EPHB1: variants seen among roughly 807,000 people sequenced by gnomAD.
EPHB1 encodes EPH receptor B1, also known as ephrin type-B receptor 1.
In EPHB1, 30 loss-of-function variants were observed where a neutral mutation model predicts 94.4. The observed-to-expected ratio is 0.32, with a 90% CI of 0.24 to 0.43. The LOEUF (loss-of-function observed/expected upper bound fraction) is 0.43. Ranked by LOEUF, EPHB1 falls within the 20% of genes least tolerant of loss-of-function variation. The probability of loss-of-function intolerance (pLI) is 1.00; values close to 1 mark genes in which losing one functional copy is unlikely to be tolerated. For missense variants in EPHB1, 1,055 were observed against 1,308.3 expected, an observed-to-expected ratio of 0.81 and a Z score of 2.99; for synonymous variants, 522 against 489.1, an observed-to-expected ratio of 1.07 and a Z score of -0.89.
intron 4 of EPHB1, among the ~76,000 whole-genome samples, chr3:135,129,207 T>A (rs1441888062): frequency 1.4e-5 from 1 of 69,174 alleles, no homozygotes; most frequent in Non-Finnish European, 3.1e-5. Flanking sequence ...GAATGGGGGG[T>A]GGGGGTGGGG....
intron 1 of EPHB1, among the ~76,000 whole-genome samples, chr3:134,851,585 GT>G (rs1470525666): frequency 6.6e-6 from 1 of 152,178 alleles, no homozygotes; most frequent in East Asian, 1.9e-4. Flanking sequence ...CTGCAGTCTT[GT>G]TCCTTGGGCT....
At chr3:135,160,269 C>A (rs1460027758) in intron 6 of EPHB1, among the ~76,000 whole-genome samples, 1 of 152,212 alleles carries the variant, frequency 6.6e-6, no homozygotes, top group Non-Finnish European at 1.5e-5. Flanking sequence ...ATCAGGTCAT[C>A]TTTGACTTCA....
At chr3:135,031,535 C>G (rs996063791) in intron 3 of EPHB1, among the ~76,000 whole-genome samples, 2 of 152,196 alleles carry the variant, frequency 1.3e-5, no homozygotes, top group African/African-American at 4.8e-5. Context: ...GTCTTGAACT[C>G]CTGGGCTCAA....
At chr3:134,927,825 C>T (rs148374740) in intron 2 of EPHB1, among the ~76,000 whole-genome samples, 1 of 152,342 alleles carries the variant, frequency 6.6e-6, no homozygotes, top group African/African-American at 2.4e-5. Context: ...CATTGTGAGG[C>T]AAGACACAGC....
intron 5 of EPHB1, among the ~76,000 whole-genome samples, chr3:135,135,975 T>C (rs1161714775): frequency 6.6e-6 from 1 of 152,222 alleles, no homozygotes. Flanking sequence ...TTAATCCTCA[T>C]AATTACACAA....
chr3:135,057,316 G>A (rs950499939), intron 3 of EPHB1, among the ~76,000 whole-genome samples: 5 of 152,174 alleles, frequency 3.3e-5, no homozygotes, highest in African/African-American at 1.2e-4. Flanking sequence ...TCCATGGGAG[G>A]AGACCTGTGA....
intron 3 of EPHB1, among the ~76,000 whole-genome samples, chr3:135,055,060 C>CTA: frequency 6.6e-6 from 1 of 152,202 alleles, no homozygotes; most frequent in Non-Finnish European, 1.5e-5. Flanking sequence ...AACTTGTAGC[C>CTA]TCTTTATCCA....
At chr3:135,111,292 A>G (rs1258894763) in intron 4 of EPHB1, among the ~76,000 whole-genome samples, 1 of 152,216 alleles carries the variant, frequency 6.6e-6, no homozygotes, top group South Asian at 2.1e-4. Flanking sequence ...GAGCCACTGA[A>G]TGAGAAGCTC....
intron 9 of EPHB1, among the ~76,000 whole-genome samples, chr3:135,170,750 A>C (rs1463544915): frequency 6.6e-6 from 1 of 152,230 alleles, no homozygotes; most frequent in East Asian, 1.9e-4. Context: ...AGGTGTTTAC[A>C]AAGATTAGGT....
In EPHB1 at chr3:135,199,116, G is replaced by T. The variant is rs1298909982; in HGVS notation, c.2131-2358G>T. Among the ~76,000 whole-genome samples, 3 of 152,222 alleles carry T rather than the reference G, an allele frequency of 2.0e-5. 1 individual carries two copies. The highest frequency in any genetic ancestry group is 4.4e-5 in the Non-Finnish European group (3 of 68,040). On this transcript the variant is annotated intron_variant, in intron 11 of 15. Coordinates refer to ENST00000398015, the MANE Select transcript of EPHB1 (RefSeq NM_004441.5). ...TTTCAACATTACTGTTCTCAAAGTT[G>T]TTTAAGCCACCCCAGTGCTCTCCCC...
At chr3:135,243,126 C>A (rs1043963242) in intron 13 of EPHB1, among the ~76,000 whole-genome samples, 18 of 151,130 alleles carry the variant, frequency 1.2e-4, no homozygotes, top group African/African-American at 4.4e-4. Context: ...TCAGACCCAT[C>A]TTATCCTGCC....
intron 15 of EPHB1, among the ~76,000 whole-genome samples, chr3:135,253,626 T>A (rs1312609513): frequency 6.8e-6 from 1 of 147,124 alleles, no homozygotes; most frequent in African/African-American, 2.5e-5. Flanking sequence ...CCTTGTAGTA[T>A]AGTTTGAAGT....
chr3:134,894,081 G>C (rs1204221560), intron 1 of EPHB1, among the ~76,000 whole-genome samples: 1 of 152,194 alleles, frequency 6.6e-6, no homozygotes, highest in Non-Finnish European at 1.5e-5. Flanking sequence ...ACCAAGCTGA[G>C]CCTGTTTGGC....
intron 15 of EPHB1, among the ~76,000 whole-genome samples, chr3:135,255,781 TTC>T (rs1470613658): frequency 2.0e-5 from 3 of 146,996 alleles, no homozygotes; most frequent in Non-Finnish European, 4.5e-5. Flanking sequence ...CTTGTTGACT[TTC>T]TGTCTCATTG....
At chr3:135,110,994 G>C (rs550623488) in intron 4 of EPHB1, among the ~76,000 whole-genome samples, 1 of 152,172 alleles carries the variant, frequency 6.6e-6, no homozygotes, top group Non-Finnish European at 1.5e-5. Context: ...GGAGAAGAGT[G>C]CATAGGGTTT....
At chr3:134,844,245 C>T (rs2036828664) in intron 1 of EPHB1, among the ~76,000 whole-genome samples, 1 of 152,178 alleles carries the variant, frequency 6.6e-6, no homozygotes, top group South Asian at 2.1e-4. Flanking sequence ...TGTGTTCAAG[C>T]ACCTTGAGCC....
At chr3:134,840,155 AC>A (rs1461873377) in intron 1 of EPHB1, among the ~76,000 whole-genome samples, 2 of 152,112 alleles carry the variant, frequency 1.3e-5, no homozygotes, top group South Asian at 2.1e-4. Flanking sequence ...AGCACACATC[AC>A]TATGGCACAG....
chr3:135,038,426 G>A (rs1030690642), intron 3 of EPHB1, among the ~76,000 whole-genome samples: 1 of 152,190 alleles, frequency 6.6e-6, no homozygotes, highest in Non-Finnish European at 1.5e-5. Context: ...CTCTGCAAGA[G>A]GGGAGTACAT....
chr3:135,015,109 T>C (rs1325398259), intron 3 of EPHB1, among the ~76,000 whole-genome samples: 5 of 152,144 alleles, frequency 3.3e-5, no homozygotes, highest in Non-Finnish European at 5.9e-5. Context: ...TGACTCCCCC[T>C]GTGCGTGGCC....
Sources: allele counts gnomAD v4.1 joint callset (sites outside exome capture counted in the v4.1 genomes callset), GRCh38; gene constraint gnomAD v4.1.1; transcripts MANE v1.5; gene names NCBI Gene and HGNC (gene_info 2026-07-23, HGNC 2026-07-21).